Variants in SCPEP1 observed in about 807,000 individuals in gnomAD.
The protein encoded by SCPEP1 is retinoid-inducible serine carboxypeptidase.
A neutral mutation model predicts 63.8 loss-of-function variants in SCPEP1; 51 were observed. The ratio of observed to expected loss-of-function variants is 0.80; its 90% CI spans 0.64 to 1.01. The LOEUF (loss-of-function observed/expected upper bound fraction) is 1.01, where lower values mean the gene tolerates loss of function less well. Among genes scored for constraint, SCPEP1 ranks in the 50% least tolerant of loss-of-function variants. SCPEP1 has a pLI of 0.00. For missense variants in SCPEP1, 499 were observed against 554.9 expected, an observed-to-expected ratio of 0.90 and a Z score of 1.01; for synonymous variants, 204 against 207.8, an observed-to-expected ratio of 0.98 and a Z score of 0.16.
At chr17:57,003,769 T>C (rs1302265540) in intron 12 of SCPEP1, among the ~76,000 whole-genome samples, 1 of 152,158 alleles carries the variant, frequency 6.6e-6, no homozygotes, top group African/African-American at 2.4e-5. Context: ...CCTTGGCACC[T>C]GCGTTGGTGA....
Position 56,991,268 on chromosome 17 carries a change from A to G in SCPEP1, c.619+97A>G. The G allele has an allele frequency of 6.3e-6, 6 of 947,384 alleles. No homozygotes were observed. The South Asian group carries it at 7.8e-5, about 12-fold the overall frequency. 58.7% of individuals were successfully genotyped at this position (947,384 alleles called of 1,614,324 possible). Reference sequence around the variant, plus strand: ...TGTCCAGATCAAAGAGCTAAGCAGGAGAATGTTCTGGGCCCTTAGAGAAAG... The same window carrying G: ...TGTCCAGATCAAAGAGCTAAGCAGGGGAATGTTCTGGGCCCTTAGAGAAAG... On this transcript the variant is annotated intron_variant, in intron 6 of 12. Transcript: ENST00000262288.
intron 11 of SCPEP1, 34 bp downstream of exon 11, chr17:57,001,026 GT>G: frequency 6.2e-7 from 1 of 1,612,040 alleles, no homozygotes; most frequent in South Asian, 1.1e-5. Flanking sequence ...CCTAGAGGCA[GT>G]TTTATGGGTT....
intron 12 of SCPEP1, among the ~76,000 whole-genome samples, chr17:57,005,094 G>A (rs1051541438): frequency 6.6e-6 from 1 of 152,210 alleles, no homozygotes; most frequent in Non-Finnish European, 1.5e-5. Flanking sequence ...ACCCCCTTGG[G>A]GATGCAGAAA....
chr17:56,981,295 G>C, intron 2 of SCPEP1, 65 bp downstream of exon 2: 2 of 1,576,708 alleles, frequency 1.3e-6, no homozygotes, highest in South Asian at 2.2e-5. Flanking sequence ...CTCTTTGCTT[G>C]CTTTTTGGGC....
At chr17:56,986,878 T>C (rs1371800345) in intron 3 of SCPEP1, among the ~76,000 whole-genome samples, 1 of 152,230 alleles carries the variant, frequency 6.6e-6, no homozygotes, top group Non-Finnish European at 1.5e-5. Context: ...TACTCTTGCC[T>C]CAGGGTCTTT....
chr17:56,994,924 T>C lies in SCPEP1; in HGVS notation c.620-57T>C. 4.7e-6 allele frequency: 7 copies of C among 1,474,242 alleles called. No homozygotes were observed. The South Asian group carries it at 8.0e-5, about 17-fold the overall frequency. The allele number at this position is 1,474,242 out of a possible 1,614,324, so 91.3% of individuals were successfully genotyped here. The stretch of plus-strand genomic sequence containing the variant: ...CTTTAGAGAGAAGACAGTAGGTTTG[T>C]CTTTGGAAAGACAGAGGTATGACAT... On this transcript the variant is annotated intron_variant, in intron 6 of 12. Coordinates refer to ENST00000262288, the MANE Select transcript of SCPEP1 (RefSeq NM_021626.3).
At chr17:56,996,899 C>A in intron 8 of SCPEP1, 63 bp from the exon 9 acceptor site, 1 of 1,076,984 alleles carries the variant, frequency 9.3e-7, no homozygotes, top group Non-Finnish European at 1.4e-6. Flanking sequence ...ATGTGTCCTT[C>A]TGTTTGGCAG....
At position 56,988,197 on chromosome 17, in the gene SCPEP1, T is replaced by TA. The variant is rs11437466; in HGVS notation, c.472-17dup. 0.84 allele frequency: 1,313,313 copies of TA among 1,559,906 alleles called. 554,091 individuals are homozygous for TA. Among genetic ancestry groups the TA allele is most frequent in the Admixed American group, 0.91 (49,077 of 53,776 alleles). On this transcript the variant is annotated intron_variant, in intron 4 of 12. Coordinates refer to ENST00000262288, the MANE Select transcript of SCPEP1 (RefSeq NM_021626.3). ...AGCAATCAAGGTAGTTAATTCTGTG[T>TA]AATTCCTTTTCTTGCTAGACAGTTC...
At chr17:56,978,942 C>A (rs1473121228) in intron 1 of SCPEP1, among the ~76,000 whole-genome samples, 2 of 152,198 alleles carry the variant, frequency 1.3e-5, no homozygotes, top group African/African-American at 4.8e-5. Context: ...GCCAATTTTA[C>A]CAGTAGTCAC....
chr17:56,983,062 A>C (rs988111820), intron 2 of SCPEP1: 1 of 152,164 alleles, frequency 6.6e-6, no homozygotes, highest in African/African-American at 2.4e-5. Context: ...AAGTCTTCGA[A>C]GCGTTTCACT....
Position 57,005,997 on chromosome 17 carries a change from C to T in SCPEP1, c.1297-176C>T, listed in dbSNP as rs1229646602. Among the ~76,000 whole-genome samples, 3 of 152,194 alleles carry T rather than the reference C, an allele frequency of 2.0e-5. No homozygotes were observed. The East Asian group carries it at 5.8e-4, about 29-fold the overall frequency. ...AGTCAGGGCCCAGAAGAGCTTTCAT[C>T]CAGTGCAGGAGTCATTTTCAGGAAG... On this transcript the variant is annotated intron_variant, in intron 12 of 12. Coordinates refer to ENST00000262288, the MANE Select transcript of SCPEP1 (RefSeq NM_021626.3).
chr17:56,994,775 G>T (rs1472417520), intron 6 of SCPEP1: 1 of 484,576 alleles, frequency 2.1e-6, no homozygotes, highest in Non-Finnish European at 3.8e-6. Flanking sequence ...CAACAGAAAG[G>T]CCCCCACACC....
At chr17:57,000,019 G>A (rs1265015616) in intron 10 of SCPEP1, among the ~76,000 whole-genome samples, 1 of 150,722 alleles carries the variant, frequency 6.6e-6, no homozygotes, top group Non-Finnish European at 1.5e-5. Flanking sequence ...GCGTGGTGGT[G>A]TGCATCTGTA....
intron 2 of SCPEP1, among the ~76,000 whole-genome samples, chr17:56,981,776 C>T (rs947625887): frequency 6.6e-6 from 1 of 152,080 alleles, no homozygotes; most frequent in Non-Finnish European, 1.5e-5. Context: ...GAGCTGAGAT[C>T]GTGCCACTGC....
At chr17:56,987,951 G>T in intron 4 of SCPEP1, 101 bp downstream of exon 4, 1 of 1,314,690 alleles carries the variant, frequency 7.6e-7, no homozygotes, top group Non-Finnish European at 1.0e-6. Context: ...ATGCCTAGCT[G>T]ATTTCAGAGA....
chr17:56,987,976 C>A, intron 4 of SCPEP1, 126 bp downstream of exon 4: 1 of 1,105,310 alleles, frequency 9.0e-7, no homozygotes, highest in Non-Finnish European at 1.3e-6. Flanking sequence ...TTTTTAATTC[C>A]CAAGATTGGG....
At chr17:56,980,150 T>G (rs1911027698) in intron 1 of SCPEP1, among the ~76,000 whole-genome samples, 1 of 152,214 alleles carries the variant, frequency 6.6e-6, no homozygotes, top group Non-Finnish European at 1.5e-5. Context: ...GATCTCCCTC[T>G]GTCACCTAGG....
At chr17:56,985,819 C>T (rs1396511569) in intron 3 of SCPEP1, among the ~76,000 whole-genome samples, 1 of 152,102 alleles carries the variant, frequency 6.6e-6, no homozygotes, top group African/African-American at 2.4e-5. Flanking sequence ...AGCCCCCAGT[C>T]CTTTTCTCTC....
intron 12 of SCPEP1, among the ~76,000 whole-genome samples, chr17:57,005,350 C>A (rs1911852844): frequency 6.6e-6 from 1 of 152,174 alleles, no homozygotes; most frequent in Non-Finnish European, 1.5e-5. Flanking sequence ...GTTGGTTTGT[C>A]ACATATAGAA....
Sources: allele counts gnomAD v4.1 joint callset (sites outside exome capture counted in the v4.1 genomes callset), GRCh38; gene constraint gnomAD v4.1.1; transcripts MANE v1.5; gene names NCBI Gene and HGNC (gene_info 2026-07-23, HGNC 2026-07-21).